TBC1D22A: variants seen among roughly 807,000 people sequenced by gnomAD.
The protein encoded by TBC1D22A is putative GTPase activator.
In TBC1D22A, 38 loss-of-function variants were observed where a neutral mutation model predicts 60.2. That is an observed-to-expected ratio of 0.63 (90% CI 0.49 to 0.83). The LOEUF (loss-of-function observed/expected upper bound fraction) is 0.83, where lower values mean the gene tolerates loss of function less well. TBC1D22A is among the 40% of genes least tolerant of loss of function. The probability of loss-of-function intolerance (pLI) is 0.00; values close to 1 mark genes in which losing one functional copy is unlikely to be tolerated. For missense variants in TBC1D22A, 628 were observed against 701.0 expected, an observed-to-expected ratio of 0.90 and a Z score of 1.18; for synonymous variants, 302 against 281.7, an observed-to-expected ratio of 1.07 and a Z score of -0.72.
At chr22:47,127,647 C>T (rs959469694) in intron 12 of TBC1D22A, among the ~76,000 whole-genome samples, 1 of 152,034 alleles carries the variant, frequency 6.6e-6, no homozygotes, top group Non-Finnish European at 1.5e-5. Flanking sequence ...GGGAAGGCGG[C>T]CCCGTTCCTG....
chr22:46,967,019 C>T (rs1029670817), intron 8 of TBC1D22A, among the ~76,000 whole-genome samples: 10 of 149,860 alleles, frequency 6.7e-5, no homozygotes, highest in Non-Finnish European at 1.2e-4. Context: ...AGGGCGTTGT[C>T]CTTGTCCTGT....
chr22:46,831,793 A>G (rs1045574826), intron 4 of TBC1D22A, among the ~76,000 whole-genome samples: 6 of 152,256 alleles, frequency 3.9e-5, no homozygotes, highest in African/African-American at 1.2e-4. Flanking sequence ...GAAATCCCCA[A>G]TAAAATGCTG....
chr22:46,825,693 C>T (rs562307060), intron 4 of TBC1D22A, among the ~76,000 whole-genome samples: 21 of 152,050 alleles, frequency 1.4e-4, no homozygotes, highest in East Asian at 1.2e-3. Flanking sequence ...AGGCTGGTCT[C>T]GAATTTCTGG....
intron 12 of TBC1D22A, among the ~76,000 whole-genome samples, chr22:47,130,201 C>T (rs1336490669): frequency 2.0e-5 from 3 of 152,220 alleles, no homozygotes; most frequent in Non-Finnish European, 4.4e-5. Flanking sequence ...CTCCCTCCCT[C>T]CCCACCAGAC....
At chr22:46,871,890 T>G (rs892041616) in intron 4 of TBC1D22A, among the ~76,000 whole-genome samples, 15 of 152,116 alleles carry the variant, frequency 9.9e-5, no homozygotes, top group African/African-American at 3.4e-4. Context: ...TAAAGTTTTT[T>G]TGAAGAGACC....
At chr22:47,045,084 C>G (rs2062985483) in intron 11 of TBC1D22A, among the ~76,000 whole-genome samples, 1 of 152,226 alleles carries the variant, frequency 6.6e-6, no homozygotes, top group South Asian at 2.1e-4. Context: ...TCTTTGTGGA[C>G]AAAATGCAGA....
intron 11 of TBC1D22A, among the ~76,000 whole-genome samples, chr22:47,077,503 G>C (rs2064272573): frequency 6.6e-6 from 1 of 152,188 alleles, no homozygotes; most frequent in Non-Finnish European, 1.5e-5. Context: ...GTTTCTTATT[G>C]CTTCGGTTCT....
At chr22:46,780,709 G>A (rs763508130) in intron 1 of TBC1D22A, among the ~76,000 whole-genome samples, 1 of 152,184 alleles carries the variant, frequency 6.6e-6, no homozygotes, top group East Asian at 1.9e-4. Flanking sequence ...AGGGACTCTC[G>A]CTTGTTCACT....
chr22:47,008,140 A>G (rs531433281), intron 10 of TBC1D22A, among the ~76,000 whole-genome samples: 2 of 152,362 alleles, frequency 1.3e-5, no homozygotes, highest in Non-Finnish European at 2.9e-5. Flanking sequence ...AAAAAACACC[A>G]GCAAATTTGG....
chr22:46,916,888 A>G lies in TBC1D22A; in HGVS notation c.1015+4700A>G, dbSNP rs373520171. ...TATAATGTGATGGGAGAGATCGATC[A>G]TGGAGAAGTTCTCTATGCCAGGAAG... On this transcript the variant is annotated intron_variant, in intron 8 of 12. Coordinates refer to ENST00000337137, the MANE Select transcript of TBC1D22A (RefSeq NM_014346.5). Among the ~76,000 whole-genome samples, 59 of 152,364 alleles carry G rather than the reference A, an allele frequency of 3.9e-4. No homozygotes were observed. The South Asian group carries it at 0.011, about 27-fold the overall frequency.
intron 12 of TBC1D22A, among the ~76,000 whole-genome samples, chr22:47,157,634 C>T (rs1483291731): frequency 6.6e-6 from 1 of 152,228 alleles, no homozygotes; most frequent in Non-Finnish European, 1.5e-5. Context: ...GTCGTGAGCT[C>T]CGTGTGGCCG....
intron 11 of TBC1D22A, among the ~76,000 whole-genome samples, chr22:47,106,961 T>C (rs727480): frequency 0.45 from 68,918 of 151,902 alleles, 16,752 homozygotes; most frequent in African/African-American, 0.63. Flanking sequence ...AAAACAAAAG[T>C]CACAATGGAA....
chr22:46,784,131 A>C (rs758563234), intron 1 of TBC1D22A, among the ~76,000 whole-genome samples: 30 of 152,138 alleles, frequency 2.0e-4, no homozygotes, highest in Non-Finnish European at 2.6e-4. Flanking sequence ...CTGCAACCTC[A>C]ATCTCCTGGG....
At chr22:46,974,654 CCCTGCTG>C (rs1458863035) in intron 9 of TBC1D22A, among the ~76,000 whole-genome samples, 1 of 152,232 alleles carries the variant, frequency 6.6e-6, no homozygotes, top group Non-Finnish European at 1.5e-5. Flanking sequence ...GAGTCTGATC[CCCTGCTG>C]CCTGCAGACT....
intron 10 of TBC1D22A, among the ~76,000 whole-genome samples, chr22:47,012,389 C>G (rs758486823): frequency 4.6e-5 from 7 of 152,146 alleles, no homozygotes; most frequent in Non-Finnish European, 7.3e-5. Flanking sequence ...CTTCTCTGTC[C>G]CCGTCCTGAA....
chr22:46,940,767 CA>C, intron 8 of TBC1D22A, among the ~76,000 whole-genome samples: 2 of 127,566 alleles, frequency 1.6e-5, no homozygotes, highest in Non-Finnish European at 3.4e-5. Flanking sequence ...CACTAGCACA[CA>C]TATATATGTA....
intron 11 of TBC1D22A, among the ~76,000 whole-genome samples, chr22:47,073,840 G>C (rs2064102796): frequency 6.6e-6 from 1 of 152,194 alleles, no homozygotes; most frequent in African/African-American, 2.4e-5. Context: ...AAAAGACTAT[G>C]ATTCAGGCTG....
Position 46,762,744 on chromosome 22 carries a change from C to A in TBC1D22A, c.-43C>A. On this transcript the variant is annotated 5_prime_UTR_variant, in exon 1 of 13. Transcript: ENST00000337137. ...GGCCGCTAGGGGAGGGCCGGGTGCA[C>A]TCGGGGTGTCTGGGCCGCGGGTCTG... 1 of 1,406,800 alleles carries A rather than the reference C, an allele frequency of 7.1e-7. No homozygotes were observed. Among genetic ancestry groups the A allele is most frequent in the Non-Finnish European group, 9.2e-7 (1 of 1,083,202 alleles). The allele number at this position is 1,406,800 out of a possible 1,614,324, so 87.1% of individuals were successfully genotyped here.
At chr22:47,085,409 A>G (rs2064638077) in intron 11 of TBC1D22A, among the ~76,000 whole-genome samples, 1 of 152,184 alleles carries the variant, frequency 6.6e-6, no homozygotes, top group Non-Finnish European at 1.5e-5. Flanking sequence ...TCCTTTATCT[A>G]TGGATTAGAT....
Sources: allele counts gnomAD v4.1 joint callset (sites outside exome capture counted in the v4.1 genomes callset), GRCh38; gene constraint gnomAD v4.1.1; transcripts MANE v1.5; gene names NCBI Gene and HGNC (gene_info 2026-07-23, HGNC 2026-07-21).